Variants in RNF150 observed in about 807,000 individuals in gnomAD.
RNF150 encodes ring finger protein 150.
RNF150 carries 24 observed loss-of-function variants against 39.3 expected under a neutral mutation model. That is an observed-to-expected ratio of 0.61 (90% CI 0.44 to 0.86). RNF150 has a LOEUF of 0.86. Among genes scored for constraint, RNF150 ranks in the 40% least tolerant of loss-of-function variants. The pLI is 0.00. For missense variants in RNF150, 502 were observed against 587.8 expected, an observed-to-expected ratio of 0.85 and a Z score of 1.51; for synonymous variants, 255 against 227.3, an observed-to-expected ratio of 1.12 and a Z score of -1.10.
At chr4:140,995,648 G>A (rs2111488425) in intron 1 of RNF150, among the ~76,000 whole-genome samples, 1 of 152,282 alleles carries the variant, frequency 6.6e-6, no homozygotes, top group East Asian at 1.9e-4. Flanking sequence ...CTCTGGAGTT[G>A]TGTCCCGCCT....
chr4:141,026,489 G>A (rs1735701949), intron 1 of RNF150, among the ~76,000 whole-genome samples: 1 of 152,144 alleles, frequency 6.6e-6, no homozygotes, highest in Non-Finnish European at 1.5e-5. Flanking sequence ...CTCCCAACCT[G>A]ATGTTCTGCA....
At chr4:141,078,033 A>T (rs952434802) in intron 1 of RNF150, among the ~76,000 whole-genome samples, 2 of 150,680 alleles carry the variant, frequency 1.3e-5, no homozygotes, top group Non-Finnish European at 1.5e-5. Context: ...AAAAAGAATC[A>T]TTTTTTTTTT....
intron 1 of RNF150, among the ~76,000 whole-genome samples, chr4:141,001,106 C>T (rs1438402002): frequency 6.6e-6 from 1 of 152,138 alleles, no homozygotes; most frequent in Non-Finnish European, 1.5e-5. Context: ...AGATATTTCC[C>T]ATATCTGTAC....
intron 1 of RNF150, among the ~76,000 whole-genome samples, chr4:141,027,144 C>T (rs1735732579): frequency 1.3e-5 from 2 of 152,158 alleles, no homozygotes; most frequent in Non-Finnish European, 2.9e-5. Context: ...TCTGCAACTG[C>T]AAGGAGAGGA....
intron 6 of RNF150, among the ~76,000 whole-genome samples, chr4:140,874,252 C>T (rs572994047): frequency 2.6e-5 from 4 of 152,212 alleles, no homozygotes; most frequent in South Asian, 2.1e-4. Flanking sequence ...ATATGATTGT[C>T]GATAACAGTG....
chr4:141,211,534 C>T (rs558497779), intron 1 of RNF150, among the ~76,000 whole-genome samples: 33 of 152,246 alleles, frequency 2.2e-4, no homozygotes, highest in African/African-American at 7.9e-4. Context: ...CCAAGTACAA[C>T]CATTAATGTA....
intron 1 of RNF150, among the ~76,000 whole-genome samples, chr4:141,038,502 G>A (rs1430354079): frequency 6.6e-6 from 1 of 152,038 alleles, no homozygotes; most frequent in East Asian, 1.9e-4. Context: ...TCAGCCTGGG[G>A]CAACATAGTG....
chr4:140,927,113 G>C (rs1560971553), intron 4 of RNF150, among the ~76,000 whole-genome samples: 4 of 152,078 alleles, frequency 2.6e-5, no homozygotes, highest in Admixed American at 2.6e-4. Flanking sequence ...TACTTAAAAA[G>C]TACCTCCAAA....
upstream of RNF150, among the ~76,000 whole-genome samples, chr4:141,133,664 C>T (rs1191354751): frequency 6.6e-6 from 1 of 152,066 alleles, no homozygotes; most frequent in Non-Finnish European, 1.5e-5. Flanking sequence ...AGCGACCCCT[C>T]GACCTTTGAG....
intron 1 of RNF150, among the ~76,000 whole-genome samples, chr4:141,141,694 CA>C (rs1727120035): frequency 6.6e-6 from 1 of 152,140 alleles, no homozygotes; most frequent in African/African-American, 2.4e-5. Flanking sequence ...CTCAGCTACT[CA>C]GTGACTGAGG....
intron 1 of RNF150, among the ~76,000 whole-genome samples, chr4:141,145,582 A>G (rs1028171154): frequency 3.9e-5 from 6 of 152,226 alleles, no homozygotes; most frequent in Non-Finnish European, 5.9e-5. Context: ...AGCATGGAAT[A>G]AGTTCTGTAG....
At chr4:140,868,405 G>A in intron 6 of RNF150, 26 bp from the exon 7 acceptor site, 1 of 1,234,286 alleles carries the variant, frequency 8.1e-7, no homozygotes, top group East Asian at 2.3e-5. Flanking sequence ...AAAGTTCACA[G>A]TGAACACCGA....
At chr4:140,904,312 G>A (rs1479781408) in intron 6 of RNF150, among the ~76,000 whole-genome samples, 1 of 152,232 alleles carries the variant, frequency 6.6e-6, no homozygotes, top group Non-Finnish European at 1.5e-5. Context: ...CTGAAGGGAA[G>A]ATGACAGTGG....
intron 6 of RNF150, among the ~76,000 whole-genome samples, chr4:140,881,482 T>C (rs1157908846): frequency 6.6e-6 from 1 of 152,140 alleles, no homozygotes; most frequent in Admixed American, 6.5e-5. Flanking sequence ...CTTCTTTTGT[T>C]GCCTCCCATA....
At chr4:141,163,048 A>G (rs1430748586) in intron 1 of RNF150, among the ~76,000 whole-genome samples, 1 of 152,238 alleles carries the variant, frequency 6.6e-6, no homozygotes, top group Non-Finnish European at 1.5e-5. Context: ...GCTAAGATCC[A>G]CTGGCTTGAA....
At chr4:140,929,712 T>TTG (rs1731550026) in intron 4 of RNF150, among the ~76,000 whole-genome samples, 1 of 152,116 alleles carries the variant, frequency 6.6e-6, no homozygotes, top group Admixed American at 6.5e-5. Flanking sequence ...TGTAGTATAG[T>TTG]TCTTCAATTG....
intron 1 of RNF150, among the ~76,000 whole-genome samples, chr4:141,194,705 T>C (rs1907185): frequency 0.99 from 151,324 of 152,272 alleles, 75,193 homozygotes; most frequent in Middle Eastern, 1. Context: ...ATGAGTAGAA[T>C]TAATGAAAGA....
intron 1 of RNF150, among the ~76,000 whole-genome samples, chr4:140,971,818 T>C (rs1733478065): frequency 6.6e-6 from 1 of 152,144 alleles, no homozygotes; most frequent in Non-Finnish European, 1.5e-5. Context: ...TGTTTAGACA[T>C]TGTATTAATA....
intron 6 of RNF150, among the ~76,000 whole-genome samples, chr4:140,881,800 G>C (rs1028324973): frequency 6.6e-6 from 1 of 152,096 alleles, no homozygotes; most frequent in African/African-American, 2.4e-5. Flanking sequence ...AGGATATCAT[G>C]AGCCCAGGAG....
Sources: allele counts gnomAD v4.1 joint callset (sites outside exome capture counted in the v4.1 genomes callset), GRCh38; gene constraint gnomAD v4.1.1; transcripts MANE v1.5; gene names NCBI Gene and HGNC (gene_info 2026-07-23, HGNC 2026-07-21).